Variants in BNIP3L observed in about 807,000 individuals in gnomAD.
The protein encoded by BNIP3L is BCL2/adenovirus E1B 19 kDa protein-interacting protein 3-like.
A neutral mutation model predicts 25.5 loss-of-function variants in BNIP3L; 10 were observed. That is an observed-to-expected ratio of 0.39 (90% CI 0.24 to 0.67). The LOEUF is 0.67. Ranked by LOEUF, BNIP3L falls within the 30% of genes least tolerant of loss-of-function variation. The probability of loss-of-function intolerance (pLI) is 0.45; values close to 1 mark genes in which losing one functional copy is unlikely to be tolerated. For missense variants in BNIP3L, 215 were observed against 270.9 expected, an observed-to-expected ratio of 0.79 and a Z score of 1.45; for synonymous variants, 113 against 101.2, an observed-to-expected ratio of 1.12 and a Z score of -0.70.
intron 2 of BNIP3L, among the ~76,000 whole-genome samples, chr8:26,394,715 A>G (rs140516522): frequency 3.5e-4 from 53 of 152,342 alleles, no homozygotes; most frequent in Admixed American, 1.2e-3. Flanking sequence ...AAATTCCACT[A>G]TACACATGGG....
In BNIP3L at chr8:26,410,657, A is replaced by G. The variant is rs543635704; in HGVS notation, c.*245A>G. 49 of 504,638 alleles carry G rather than the reference A, an allele frequency of 9.7e-5. 1 individual carries two copies. In the East Asian group the frequency reaches 1.7e-3, roughly 18 times the overall value. 31.3% of individuals were successfully genotyped at this position (504,638 alleles called of 1,614,324 possible). On this transcript the variant is annotated 3_prime_UTR_variant, in exon 6 of 6. Transcript: ENST00000380629. ...CCTAACAGAGTTTACTGTTGTTTAGAAATTTGCAAGGGCTTCTTTTCCGCA... is the reference window on the plus strand; with the variant it reads ...CCTAACAGAGTTTACTGTTGTTTAGGAATTTGCAAGGGCTTCTTTTCCGCA...
rs1392011656 is a variant in BNIP3L at position 26,395,438 on chromosome 8, A to G, written c.357+136A>G. Reference sequence around the variant, plus strand: ...TATTGAGTTTCTGATTTTGGAATTTATTTAGGATGATATAGTTCTTGTCGC... The same window carrying G: ...TATTGAGTTTCTGATTTTGGAATTTGTTTAGGATGATATAGTTCTTGTCGC... On this transcript the variant is annotated intron_variant, in intron 3 of 5. Coordinates refer to ENST00000380629, the MANE Select transcript of BNIP3L (RefSeq NM_004331.3). 1.4e-5 allele frequency: 13 copies of G among 960,980 alleles called. No homozygotes were observed. In the Admixed American group the frequency reaches 3.2e-4, roughly 24 times the overall value. 59.5% of individuals were successfully genotyped at this position (960,980 alleles called of 1,614,324 possible).
In BNIP3L at chr8:26,412,780, A is replaced by G. The variant is rs1387980684; in HGVS notation, c.*2368A>G. 1 of 152,650 alleles carries G rather than the reference A, an allele frequency of 6.6e-6. No individual in the cohort carries two copies. Among genetic ancestry groups the G allele is most frequent in the Non-Finnish European group, 1.5e-5 (1 of 68,044 alleles). The allele number at this position is 152,650 out of a possible 1,614,324, so 9.5% of individuals were successfully genotyped here. On this transcript the variant is annotated 3_prime_UTR_variant, in exon 6 of 6. Coordinates refer to ENST00000380629, the MANE Select transcript of BNIP3L (RefSeq NM_004331.3). ...TTACACCTGTTTACAATTTGGGGAC[A>G]AAAAGGCAGGCTTCATTTTTCATAT...
Position 26,391,187 on chromosome 8 carries a change from G to A in BNIP3L, c.101-56G>A, listed in dbSNP as rs772313809. On this transcript the variant is annotated intron_variant, in intron 1 of 5. Transcript: ENST00000380629. ...CTGGATTCACCATGTTCACATCTGT[G>A]TGCACATGACAGATTTCAGTTCTGC... 3.0e-5 allele frequency: 44 copies of A among 1,445,804 alleles called. No individual in the cohort carries two copies. In the Middle Eastern group the frequency reaches 6.3e-4, roughly 21 times the overall value. The allele number at this position is 1,445,804 out of a possible 1,614,324, so 89.6% of individuals were successfully genotyped here.
chr8:26,410,355 TC>T lies in BNIP3L; in HGVS notation c.612-7del. On this transcript the variant is annotated splice_region_variant and splice_polypyrimidine_tract_variant and intron_variant, in intron 5 of 5. Coordinates refer to ENST00000380629, the MANE Select transcript of BNIP3L (RefSeq NM_004331.3). ...ACAGGTGAAACATGATGCTTCTGCTTCCTTTCAGCATCTATATTGGAAAGCG... is the reference window on the plus strand; with the variant it reads ...ACAGGTGAAACATGATGCTTCTGCTTCTTTCAGCATCTATATTGGAAAGCG... 6.2e-7 allele frequency: 1 copy of T among 1,614,068 alleles called. No homozygotes were observed. Among genetic ancestry groups the T allele is most frequent in the Non-Finnish European group, 8.5e-7 (1 of 1,179,960 alleles).
rs560960042 is a variant in BNIP3L at position 26,406,672 on chromosome 8, A to G, written c.358-1328A>G. Among the ~76,000 whole-genome samples the G allele has an allele frequency of 3.7e-4, 57 of 152,122 alleles. 1 individual carries two copies. The South Asian group carries it at 0.012, about 31-fold the overall frequency. ...ACTGTCTCTTTAAAGAAATACAAAAATTAGCTGGGCGTGGTGGCACACACC... is the reference window on the plus strand; with the variant it reads ...ACTGTCTCTTTAAAGAAATACAAAAGTTAGCTGGGCGTGGTGGCACACACC... On this transcript the variant is annotated intron_variant, in intron 3 of 5. Transcript: ENST00000380629.
rs1212304060 is a variant in BNIP3L, at chr8:26,410,428, C to T, written c.*16C>T. 2 of 1,613,924 alleles carry T rather than the reference C, an allele frequency of 1.2e-6. No homozygotes were observed. The highest frequency in any genetic ancestry group is 1.7e-6 in the Non-Finnish European group (2 of 1,179,912). On this transcript the variant is annotated 3_prime_UTR_variant, in exon 6 of 6. Transcript: ENST00000380629. ...CACCTACTGAGGGAAAGGAAAAGCC[C>T]CTGGAAATGCGTGTGACCTGTGAAG...
chr8:26,395,376 A>G (rs2117475734), intron 3 of BNIP3L, 74 bp downstream of exon 3: 1 of 1,468,542 alleles, frequency 6.8e-7, no homozygotes, highest in Middle Eastern at 1.8e-4. Flanking sequence ...TTTTGCTAAA[A>G]TAAATGTGAA....
rs978389304 is a variant in BNIP3L at position 26,383,430 on chromosome 8, G to C, written c.100+200G>C. ...CTCCGGGCCTCTCTGTTGCCTCCTG[G>C]GGTCTTGGGCCCGGGGCCGTTTGGG... On this transcript the variant is annotated intron_variant, in intron 1 of 5. Coordinates refer to ENST00000380629, the MANE Select transcript of BNIP3L (RefSeq NM_004331.3). The C allele has an allele frequency of 3.5e-6, 5 of 1,411,788 alleles. No homozygotes were observed. The African/African-American group carries it at 7.3e-5, about 21-fold the overall frequency. 87.5% of individuals were successfully genotyped at this position (1,411,788 alleles called of 1,614,324 possible). A position where few individuals can be genotyped will look rare whatever the true frequency, so the allele number is the denominator to read the frequency against.
chr8:26,396,678 G>A (rs1806256010), intron 3 of BNIP3L, among the ~76,000 whole-genome samples: 1 of 151,574 alleles, frequency 6.6e-6, no homozygotes, highest in Non-Finnish European at 1.5e-5. Flanking sequence ...ATTAGAGTGA[G>A]CTACGGGAGG....
At chr8:26,409,291 A>G (rs977934355) in intron 5 of BNIP3L, among the ~76,000 whole-genome samples, 2 of 152,210 alleles carry the variant, frequency 1.3e-5, no homozygotes, top group African/African-American at 2.4e-5. Flanking sequence ...TAGGAGTTAA[A>G]CAGTAGCTGT....
At position 26,411,288 on chromosome 8, in the gene BNIP3L, A is replaced by T. The variant is rs908178067; in HGVS notation, c.*876A>T. 1 of 152,082 alleles carries T rather than the reference A, an allele frequency of 6.6e-6. No individual in the cohort carries two copies. The highest frequency in any genetic ancestry group is 2.4e-5 in the African/African-American group (1 of 41,256). 9.4% of individuals were successfully genotyped at this position (152,082 alleles called of 1,614,324 possible). A position where few individuals can be genotyped will look rare whatever the true frequency, so the allele number is the denominator to read the frequency against. ...TTTCATGACCTTCTTTACATTTTTTATTTTTTATTTCTTTATTTTTTTTTC... is the reference window on the plus strand; with the variant it reads ...TTTCATGACCTTCTTTACATTTTTTTTTTTTTATTTCTTTATTTTTTTTTC... On this transcript the variant is annotated 3_prime_UTR_variant, in exon 6 of 6. Transcript: ENST00000380629.
At chr8:26,409,597 G>A (rs1402797314) in intron 5 of BNIP3L, among the ~76,000 whole-genome samples, 5 of 152,106 alleles carry the variant, frequency 3.3e-5, no homozygotes, top group Admixed American at 3.3e-4. Flanking sequence ...GGTTGATGTG[G>A]GGCAGGTGTA....
intron 2 of BNIP3L, 95 bp downstream of exon 2, chr8:26,391,521 T>A: frequency 4.8e-6 from 5 of 1,031,858 alleles, no homozygotes; most frequent in Non-Finnish European, 6.7e-6. Context: ...AATCTTCACT[T>A]AGCAAAATAT....
At position 26,410,963 on chromosome 8, in the gene BNIP3L, C is replaced by T. The variant is rs1175518332; in HGVS notation, c.*551C>T. ...AAGGCAAGGCACAACAAAAAAATAT[C>T]CTGGGCAATAAAAAAAATATTTTAA... On this transcript the variant is annotated 3_prime_UTR_variant, in exon 6 of 6. Coordinates refer to ENST00000380629, the MANE Select transcript of BNIP3L (RefSeq NM_004331.3). 1 of 151,366 alleles carries T rather than the reference C, an allele frequency of 6.6e-6. No homozygotes were observed. The highest frequency in any genetic ancestry group is 2.4e-5 in the African/African-American group (1 of 41,184). 9.4% of individuals were successfully genotyped at this position (151,366 alleles called of 1,614,324 possible).
At chr8:26,409,751 A>T (rs1806579972) in intron 5 of BNIP3L, among the ~76,000 whole-genome samples, 1 of 152,186 alleles carries the variant, frequency 6.6e-6, no homozygotes. Flanking sequence ...ATGTAAAAAG[A>T]GTGTTTAAAA....
Position 26,401,502 on chromosome 8 carries a change from C to T in BNIP3L, c.357+6200C>T, listed in dbSNP as rs545914316. Among the ~76,000 whole-genome samples the T allele has an allele frequency of 2.2e-3, 318 of 145,428 alleles. 2 individuals carry two copies. The highest frequency in any genetic ancestry group is 3.8e-3 in the Non-Finnish European group (252 of 66,924). On this transcript the variant is annotated intron_variant, in intron 3 of 5. Coordinates refer to ENST00000380629, the MANE Select transcript of BNIP3L (RefSeq NM_004331.3). ...TAGTGGGTGCAGCACACCAGCATGG[C>T]ACATGTATACATATGTAACTAACCT... is the stretch of plus-strand genomic sequence containing the variant.
rs1806641133 is a variant in BNIP3L, at chr8:26,412,116, T to A, written c.*1704T>A. On this transcript the variant is annotated 3_prime_UTR_variant, in exon 6 of 6. Coordinates refer to ENST00000380629, the MANE Select transcript of BNIP3L (RefSeq NM_004331.3). ...GTAATTTTCTTTTTTCTTTCTAGCA[T>A]TTGATGTCTAAATAATTTTGGACAT... 1 of 152,266 alleles carries A rather than the reference T, an allele frequency of 6.6e-6. No individual in the cohort carries two copies. Among genetic ancestry groups the A allele is most frequent in the South Asian group, 2.1e-4 (1 of 4,836 alleles). The allele number at this position is 152,266 out of a possible 1,614,324, so 9.4% of individuals were successfully genotyped here.
At chr8:26,403,090 C>G (rs1027276751) in intron 3 of BNIP3L, among the ~76,000 whole-genome samples, 34 of 152,108 alleles carry the variant, frequency 2.2e-4, no homozygotes, top group African/African-American at 8.0e-4. Context: ...GACCAAATCC[C>G]TAAAAGAGCA....
Sources: allele counts gnomAD v4.1 joint callset (sites outside exome capture counted in the v4.1 genomes callset), GRCh38; gene constraint gnomAD v4.1.1; transcripts MANE v1.5; gene names NCBI Gene and HGNC (gene_info 2026-07-23, HGNC 2026-07-21).